Variants in PPP3CB observed in about 807,000 individuals in gnomAD.
The protein encoded by PPP3CB is serine/threonine-protein phosphatase 2B catalytic subunit beta isoform.
In PPP3CB, 8 loss-of-function variants were observed where a neutral mutation model predicts 66.4. That is an observed-to-expected ratio of 0.12 (90% confidence interval 0.07 to 0.22). PPP3CB has a LOEUF of 0.22. PPP3CB is among the 10% of genes least tolerant of loss of function. PPP3CB has a pLI of 1.00. For missense variants in PPP3CB, 319 were observed against 642.5 expected, an observed-to-expected ratio of 0.50 and a Z score of 5.44; for synonymous variants, 208 against 221.2, an observed-to-expected ratio of 0.94 and a Z score of 0.53.
chr10:73,463,085 T>C (rs537757727), intron 9 of PPP3CB, among the ~76,000 whole-genome samples: 1 of 152,158 alleles, frequency 6.6e-6, no homozygotes, highest in African/African-American at 2.4e-5. Context: ...TTGGAGTGTG[T>C]TAATGGCACT....
chr10:73,483,330 A>G (rs1422160037), intron 1 of PPP3CB, among the ~76,000 whole-genome samples: 1 of 152,208 alleles, frequency 6.6e-6, no homozygotes, highest in East Asian at 1.9e-4. Context: ...ATGTTACCAT[A>G]ACACTGAAAA....
At chr10:73,449,402 T>C (rs902237958) in intron 10 of PPP3CB, among the ~76,000 whole-genome samples, 1 of 152,202 alleles carries the variant, frequency 6.6e-6, no homozygotes, top group Non-Finnish European at 1.5e-5. Flanking sequence ...CAACAGATTG[T>C]TTCAAATCAA....
At chr10:73,457,182 TGAA>T (rs1404914765) in intron 9 of PPP3CB, among the ~76,000 whole-genome samples, 4 of 135,278 alleles carry the variant, frequency 3.0e-5, no homozygotes, top group Non-Finnish European at 4.5e-5. Context: ...CCTGGGAGAA[TGAA>T]GAAGGAGGAT....
At chr10:73,485,252 T>TA (rs972916768) in intron 1 of PPP3CB, among the ~76,000 whole-genome samples, 1 of 152,012 alleles carries the variant, frequency 6.6e-6, no homozygotes, top group African/African-American at 2.4e-5. Flanking sequence ...GTATGGTGGC[T>TA]AAAAAAACAA....
chr10:73,494,028 T>G (rs1244302809), intron 1 of PPP3CB, among the ~76,000 whole-genome samples: 1 of 152,146 alleles, frequency 6.6e-6, no homozygotes, highest in Non-Finnish European at 1.5e-5. Context: ...CATCTAACAG[T>G]CTGGTGAAAA....
chr10:73,454,569 T>C (rs1173849880), intron 9 of PPP3CB, 80 bp from the exon 10 acceptor site: 2 of 910,780 alleles, frequency 2.2e-6, no homozygotes, highest in Admixed American at 4.3e-5. Context: ...TTTTTACAAA[T>C]GGTCAAATAA....
intron 8 of PPP3CB, among the ~76,000 whole-genome samples, chr10:73,469,989 A>G (rs375657953): frequency 6.6e-6 from 1 of 152,236 alleles, no homozygotes; most frequent in South Asian, 2.1e-4. Context: ...TCCTTGGCAC[A>G]CACTTAACTA....
At chr10:73,460,069 C>T (rs998592680) in intron 9 of PPP3CB, among the ~76,000 whole-genome samples, 8 of 151,494 alleles carry the variant, frequency 5.3e-5, no homozygotes, top group Admixed American at 2.6e-4. Flanking sequence ...ATGGCTAGAA[C>T]GAAGATAACG....
intron 10 of PPP3CB, among the ~76,000 whole-genome samples, chr10:73,452,861 G>A (rs2132822018): frequency 6.6e-6 from 1 of 152,282 alleles, no homozygotes; most frequent in South Asian, 2.1e-4. Flanking sequence ...AGATGGCAAT[G>A]GTAGCGCTTG....
At chr10:73,440,765 A>G (rs569263112) in intron 12 of PPP3CB, among the ~76,000 whole-genome samples, 1 of 152,370 alleles carries the variant, frequency 6.6e-6, no homozygotes, top group South Asian at 2.1e-4. Context: ...GAGGTCTTAC[A>G]GGCATAAATT....
chr10:73,446,431 G>A (rs1036552860), intron 11 of PPP3CB, 61 bp downstream of exon 11: 2 of 1,507,052 alleles, frequency 1.3e-6, no homozygotes, highest in African/African-American at 1.4e-5. Flanking sequence ...GACAATGCTT[G>A]TAACAAGGTA....
chr10:73,443,290 A>AAGAC (rs1022181133), intron 12 of PPP3CB, among the ~76,000 whole-genome samples: 1 of 115,456 alleles, frequency 8.7e-6, no homozygotes, highest in Non-Finnish European at 1.7e-5. Context: ...GAAAGACAGA[A>AAGAC]AGAAAGAAAG....
chr10:73,441,390 C>T (rs186669354), intron 12 of PPP3CB, among the ~76,000 whole-genome samples: 3 of 152,180 alleles, frequency 2.0e-5, no homozygotes, highest in Admixed American at 6.5e-5. Context: ...ATCCCTTGAG[C>T]GTTTGAGCCC....
chr10:73,446,207 C>A (rs1298218370), intron 11 of PPP3CB, among the ~76,000 whole-genome samples: 1 of 150,888 alleles, frequency 6.6e-6, no homozygotes, highest in Non-Finnish European at 1.5e-5. Context: ...TCAAGCAATT[C>A]TTGTGCCTCA....
Position 73,455,554 on chromosome 10 carries a change from C to T in PPP3CB, c.1109-1065G>A, listed in dbSNP as rs118185691. 3.5e-4 allele frequency among the ~76,000 whole-genome samples: 53 copies of T among 152,212 alleles called. No individual in the cohort carries two copies. The East Asian group carries it at 8.7e-3, about 25-fold the overall frequency. The stretch of plus-strand genomic sequence containing the variant: ...ACCTCTCCTTCAGGCTCTAGATGTC[C>T]TTGGCTAGTTTTATTGTCAACTGTC... On this transcript the variant is annotated intron_variant, in intron 9 of 13. Coordinates refer to ENST00000360663, the MANE Select transcript of PPP3CB (RefSeq NM_021132.4).
chr10:73,448,871 A>C (rs537033015), intron 10 of PPP3CB, among the ~76,000 whole-genome samples: 4 of 152,322 alleles, frequency 2.6e-5, no homozygotes, highest in African/African-American at 7.2e-5. Flanking sequence ...CTGGTGAATA[A>C]AGAGGGATGC....
intron 9 of PPP3CB, among the ~76,000 whole-genome samples, chr10:73,456,504 A>G (rs960383018): frequency 3.9e-5 from 6 of 152,202 alleles, no homozygotes; most frequent in Admixed American, 3.3e-4. Context: ...TCACAACAGA[A>G]CAGAGAGTCC....
At chr10:73,462,279 C>T (rs1211114931) in intron 9 of PPP3CB, among the ~76,000 whole-genome samples, 1 of 151,546 alleles carries the variant, frequency 6.6e-6, no homozygotes, top group Non-Finnish European at 1.5e-5. Context: ...TCACCTTAGC[C>T]TCCCAAAGTG....
intron 1 of PPP3CB, among the ~76,000 whole-genome samples, chr10:73,481,165 C>CTT (rs1042746700): frequency 2.3e-5 from 3 of 129,030 alleles, no homozygotes; most frequent in Non-Finnish European, 3.4e-5. Flanking sequence ...ATTTTTTTTT[C>CTT]TTTTTTTTTT....
Sources: gnomAD v4.1 joint callset for allele counts (sites outside exome capture counted in the v4.1 genomes callset) on GRCh38, gnomAD v4.1.1 for gene constraint, MANE v1.5 for transcripts, NCBI Gene and HGNC (gene_info 2026-07-23, HGNC 2026-07-21) for gene names.